Variants in XPO5 observed in about 807,000 individuals in gnomAD.
XPO5 encodes the protein exportin-5.
Under a neutral mutation model 160.6 loss-of-function variants are expected in XPO5, and 46 were observed. The ratio of observed to expected loss-of-function variants is 0.29; its 90% CI spans 0.23 to 0.37. XPO5 has a LOEUF of 0.37. Among genes scored for constraint, XPO5 ranks in the 10% least tolerant of loss-of-function variants. The pLI is 1.00. For missense variants in XPO5, 1,090 were observed against 1,463.9 expected (o/e 0.74, Z 4.17); for synonymous variants, 537 against 519.3 (o/e 1.03, Z -0.46).
At chr6:43,572,710 G>A in intron 2 of XPO5, 132 bp from the exon 3 acceptor site, 1 of 980,488 alleles carries the variant, frequency 1.0e-6, no homozygotes. Flanking sequence ...TTTTGTACCT[G>A]TCAATGAATG....
rs373894153 is a variant in XPO5 at position 43,575,742 on chromosome 6, C to T, written c.105+18G>A. ...AGAGGGTGTCGGGACCGGCCCAGGA[C>T]GCCAGGACCCCAGCTACCTTGAGGG... On this transcript the variant is annotated intron_variant, in intron 1 of 31. Coordinates refer to ENST00000265351, the MANE Select transcript of XPO5 (RefSeq NM_020750.3). 1 of 1,603,408 alleles carries T rather than the reference C, an allele frequency of 6.2e-7. No homozygotes were observed. The highest frequency in any genetic ancestry group is 1.3e-5 in the African/African-American group (1 of 74,422).
intron 8 of XPO5, among the ~76,000 whole-genome samples, chr6:43,564,375 C>T (rs1243833028): frequency 1.3e-5 from 2 of 152,108 alleles, no homozygotes; most frequent in African/African-American, 2.4e-5. Context: ...ACTAAAAATA[C>T]AAAATTAGCT....
rs760821034 is a variant in XPO5, at chr6:43,567,179, A to G, written c.824T>C (p.Val275Ala). The G allele has an allele frequency of 1.9e-6, 3 of 1,612,234 alleles. No homozygotes were observed. The highest frequency in any genetic ancestry group is 2.5e-6 in the Non-Finnish European group (3 of 1,179,118). ...GAAGTGGTAACTTACTTTTCTGCTG[A>G]CTGCAATGAGAAGACACTCAGCGGC... ...LGAAECLLIA[V>A]SRKGKLEDRK... is the part of the protein sequence containing the mutation. The change falls in exon 7 of 32, where the codon GTC becomes GCC. Residue 275 changes from valine (V) to alanine (A), a missense_variant. Physicochemically the swap from Val to Ala is moderately conservative, Grantham distance 64. Coordinates refer to ENST00000265351, the MANE Select transcript of XPO5 (RefSeq NM_020750.3).
chr6:43,530,892 A>G, intron 22 of XPO5, 68 bp from the exon 23 acceptor site: 3 of 1,517,040 alleles, frequency 2.0e-6, no homozygotes, highest in Non-Finnish European at 2.6e-6. Context: ...GCCCTGTCCC[A>G]TGAATTTCAT....
intron 29 of XPO5, 48 bp downstream of exon 29, chr6:43,525,059 G>T: frequency 1.3e-6 from 2 of 1,575,350 alleles, no homozygotes; most frequent in South Asian, 2.3e-5. Context: ...CAGTCTGCAT[G>T]ACCCAAACCT....
intron 20 of XPO5, chr6:43,539,540 G>T: frequency 6.8e-7 from 1 of 1,465,010 alleles, no homozygotes; most frequent in Non-Finnish European, 9.4e-7. Context: ...CTTATCTTTG[G>T]CCTTGCCTCC....
At chr6:43,545,648 A>C (rs1475199348) in intron 20 of XPO5, among the ~76,000 whole-genome samples, 1 of 152,112 alleles carries the variant, frequency 6.6e-6, no homozygotes, top group Non-Finnish European at 1.5e-5. Context: ...CGGAGGTTGC[A>C]GTGAGCCAAG....
At chr6:43,572,133 C>A (rs905438939) in intron 3 of XPO5, among the ~76,000 whole-genome samples, 4 of 152,162 alleles carry the variant, frequency 2.6e-5, no homozygotes, top group African/African-American at 9.7e-5. Flanking sequence ...GCTGGAGTGC[C>A]ATGGCACCAT....
Position 43,567,243 on chromosome 6 carries a change from G to A in XPO5, c.760C>T (p.Leu254=), listed in dbSNP as rs1269455355. ...TCCTGTTCATTCAACAGCAAACACA[G>A]TATCTCCAGGAGTTTACAGTTTTCA... is the stretch of plus-strand genomic sequence containing the variant. ...TAENCKLLEI[L]CLLLNEQELQ... The change falls in exon 7 of 32, where the codon CTG becomes TTG. Residue 254 remains leucine (L), a synonymous_variant. Coordinates refer to ENST00000265351, the MANE Select transcript of XPO5 (RefSeq NM_020750.3). 3 of 1,613,850 alleles carry A rather than the reference G, an allele frequency of 1.9e-6. No homozygotes were observed. The highest frequency in any genetic ancestry group is 2.7e-5 in the African/African-American group (2 of 74,924).
chr6:43,567,777 AAAAT>A (rs775476464), intron 6 of XPO5, among the ~76,000 whole-genome samples: 16 of 152,028 alleles, frequency 1.1e-4, no homozygotes, highest in Non-Finnish European at 2.2e-4. Flanking sequence ...CCTAACCAAA[AAAAT>A]ACAAAAATTA....
intron 3 of XPO5, 33 bp downstream of exon 3, chr6:43,572,473 T>G: frequency 6.2e-7 from 1 of 1,611,132 alleles, no homozygotes; most frequent in Non-Finnish European, 8.5e-7. Flanking sequence ...TAAACTACCT[T>G]GGAAACATGT....
At chr6:43,524,998 AG>A in intron 29 of XPO5, 30 bp from the exon 30 acceptor site, 1 of 1,608,846 alleles carries the variant, frequency 6.2e-7, no homozygotes, top group Non-Finnish European at 8.5e-7. Flanking sequence ...TTAGGGCCAC[AG>A]GGGGCCTCTC....
intron 17 of XPO5, among the ~76,000 whole-genome samples, chr6:43,548,871 C>G (rs1316263470): frequency 2.6e-5 from 4 of 151,976 alleles, no homozygotes; most frequent in Non-Finnish European, 5.9e-5. Flanking sequence ...TTTGCATCTG[C>G]TTTTCTCAAG....
intron 27 of XPO5, 81 bp from the exon 28 acceptor site, chr6:43,526,002 C>G: frequency 6.6e-7 from 1 of 1,513,192 alleles, no homozygotes. Context: ...GCGCAAAAAA[C>G]AAAGCAAAGC....
rs1346144973 is a variant in XPO5 at position 43,522,435 on chromosome 6, G to A, written c.*1433C>T. ...AACAATAGAAAATTTCTAGCATGAA[G>A]TCACAGGATGTTAAAAATATTACAA... On this transcript the variant is annotated 3_prime_UTR_variant, in exon 32 of 32. Transcript: ENST00000265351. The A allele has an allele frequency of 6.3e-6, 1 of 159,380 alleles. No individual in the cohort carries two copies. The highest frequency in any genetic ancestry group is 1.4e-5 in the Non-Finnish European group (1 of 71,764). The allele number at this position is 159,380 out of a possible 1,614,324, so 9.9% of individuals were successfully genotyped here.
intron 21 of XPO5, 76 bp from the exon 22 acceptor site, chr6:43,531,651 A>C: frequency 7.7e-7 from 1 of 1,297,490 alleles, no homozygotes; most frequent in African/African-American, 1.5e-5. Flanking sequence ...TACAGCAGGA[A>C]GCTGTTGTTC....
intron 20 of XPO5, among the ~76,000 whole-genome samples, chr6:43,541,255 T>C (rs1305665461): frequency 6.6e-6 from 1 of 152,212 alleles, no homozygotes; most frequent in African/African-American, 2.4e-5. Context: ...ATAACTGCAG[T>C]TGACTATAAC....
chr6:43,554,192 A>AG (rs1761891505), intron 13 of XPO5, among the ~76,000 whole-genome samples: 2 of 151,154 alleles, frequency 1.3e-5, no homozygotes, highest in Admixed American at 1.3e-4. Flanking sequence ...CTGCAACATT[A>AG]GCCTCCCAGG....
intron 12 of XPO5, among the ~76,000 whole-genome samples, chr6:43,557,885 C>T (rs894343744): frequency 2.0e-5 from 3 of 150,436 alleles, no homozygotes; most frequent in African/African-American, 2.4e-5. Context: ...GACCTGAGGT[C>T]GGGAGTTCGA....
Sources: gnomAD v4.1 joint callset for allele counts (sites outside exome capture counted in the v4.1 genomes callset) on GRCh38, gnomAD v4.1.1 for gene constraint, MANE v1.5 for transcripts, NCBI Gene and HGNC (gene_info 2026-07-23, HGNC 2026-07-21) for gene names.